Variants in ST18 observed in about 807,000 individuals in gnomAD.
The protein encoded by ST18 is suppression of tumorigenicity 18 protein.
A neutral mutation model predicts 110.0 loss-of-function variants in ST18; 50 were observed. That is an observed-to-expected ratio of 0.45 (90% CI 0.36 to 0.58). The LOEUF (loss-of-function observed/expected upper bound fraction) is 0.58. Among genes scored for constraint, ST18 ranks in the 20% least tolerant of loss-of-function variants. The pLI is 0.00. For synonymous variants in ST18, 461 were observed against 452.4 expected (o/e 1.02, Z -0.24); for missense variants, 1,306 against 1,280.1 (o/e 1.02, Z -0.31).
intron 2 of ST18, among the ~76,000 whole-genome samples, chr8:52,259,336 C>A (rs1195172376): frequency 1.3e-5 from 2 of 152,194 alleles, no homozygotes; most frequent in African/African-American, 4.8e-5. Context: ...CACCTAAATT[C>A]CATCTGTTGC....
chr8:52,402,482 A>G (rs13277159), intron 2 of ST18, among the ~76,000 whole-genome samples: 34,041 of 151,948 alleles, frequency 0.22, 4,086 homozygotes, highest in South Asian at 0.31. Context: ...CTAATCCTGG[A>G]GATCAGGGCA....
intron 2 of ST18, among the ~76,000 whole-genome samples, chr8:52,355,715 C>A (rs1487491825): frequency 6.6e-6 from 1 of 152,164 alleles, no homozygotes; most frequent in Admixed American, 6.5e-5. Context: ...ATTCTCCAAT[C>A]CTTAGGTCAG....
chr8:52,274,382 A>G (rs906825711), intron 2 of ST18, among the ~76,000 whole-genome samples: 15 of 152,176 alleles, frequency 9.9e-5, no homozygotes, highest in African/African-American at 3.4e-4. Context: ...GTTAAATACT[A>G]GAAATATATG....
chr8:52,288,642 C>T (rs866223773), intron 2 of ST18, among the ~76,000 whole-genome samples: 2 of 149,472 alleles, frequency 1.3e-5, no homozygotes, highest in Admixed American at 6.7e-5. Flanking sequence ...TGCAGTGAGC[C>T]GAGATCGCAC....
intron 2 of ST18, among the ~76,000 whole-genome samples, chr8:52,310,464 C>T (rs1400313156): frequency 1.3e-5 from 2 of 151,978 alleles, no homozygotes; most frequent in East Asian, 1.9e-4. Flanking sequence ...GACATAGTTT[C>T]GATTGTGTTT....
chr8:52,135,418 A>G (rs10107218), intron 19 of ST18, among the ~76,000 whole-genome samples: 47,364 of 151,462 alleles, frequency 0.31, 11,069 homozygotes, highest in African/African-American at 0.67. Flanking sequence ...AAAAGCACTC[A>G]GGCATGGTTG....
At chr8:52,222,800 G>A (rs913096310) in intron 3 of ST18, among the ~76,000 whole-genome samples, 8 of 152,090 alleles carry the variant, frequency 5.3e-5, no homozygotes, top group African/African-American at 1.9e-4. Flanking sequence ...TCTTAAATAT[G>A]TTATGAGGGC....
intron 2 of ST18, among the ~76,000 whole-genome samples, chr8:52,274,554 C>T (rs756145651): frequency 9.2e-5 from 14 of 152,094 alleles, no homozygotes; most frequent in African/African-American, 3.1e-4. Context: ...AAAAATCAGC[C>T]ATTTCCTAAA....
chr8:52,273,802 G>A (rs1283656737), intron 2 of ST18, among the ~76,000 whole-genome samples: 1 of 152,156 alleles, frequency 6.6e-6, no homozygotes, highest in Non-Finnish European at 1.5e-5. Flanking sequence ...CTTAATCAGT[G>A]TGTATATCAG....
At chr8:52,150,116 G>A (rs1030718739) in intron 15 of ST18, 139 bp from the exon 16 acceptor site, 48 of 1,194,724 alleles carry the variant, frequency 4.0e-5, no homozygotes, top group South Asian at 2.2e-4. Flanking sequence ...TCTGATTTGC[G>A]TTGGGTAATG....
chr8:52,168,629 C>T (rs1434511874), intron 10 of ST18, among the ~76,000 whole-genome samples: 1 of 152,116 alleles, frequency 6.6e-6, no homozygotes, highest in Non-Finnish European at 1.5e-5. Flanking sequence ...CTTAAATGAG[C>T]AACGAACGGC....
intron 2 of ST18, among the ~76,000 whole-genome samples, chr8:52,312,588 C>A (rs1485891324): frequency 6.6e-6 from 1 of 152,206 alleles, no homozygotes; most frequent in African/African-American, 2.4e-5. Context: ...GATATAGTAT[C>A]TTTGCTAGAG....
rs141291859 is a variant in ST18 at position 52,189,087 on chromosome 8, A to G, written c.87-8775T>C. 2.1e-3 allele frequency among the ~76,000 whole-genome samples: 316 copies of G among 152,236 alleles called. No homozygotes were observed. In the Middle Eastern group the frequency reaches 0.024, roughly 11 times the overall value. ...ATAAAATTAGTCCCCTTCTCCCTGC[A>G]TCACACTGGAGATGATGAATACATG... On this transcript the variant is annotated intron_variant, in intron 8 of 25. Transcript: ENST00000689386.
At chr8:52,176,521 G>A (rs1409803038) in intron 9 of ST18, among the ~76,000 whole-genome samples, 2 of 152,212 alleles carry the variant, frequency 1.3e-5, no homozygotes, top group Non-Finnish European at 1.5e-5. Flanking sequence ...CAGACTGTTC[G>A]CTGGTCCAGG....
intron 3 of ST18, among the ~76,000 whole-genome samples, chr8:52,222,796 A>C (rs2087428487): frequency 2.0e-5 from 3 of 152,202 alleles, no homozygotes; most frequent in South Asian, 4.1e-4. Context: ...TTGATCTTAA[A>C]TATGTTATGA....
intron 2 of ST18, among the ~76,000 whole-genome samples, chr8:52,322,732 C>T (rs1047708067): frequency 1.3e-5 from 2 of 152,104 alleles, no homozygotes; most frequent in Admixed American, 6.5e-5. Context: ...GTTTCAACAT[C>T]CAAAGAATAC....
Position 52,289,772 on chromosome 8 carries a change from G to A in ST18, c.-464-59695C>T, listed in dbSNP as rs183594491. ...AGGGGCTCATCAGCTTCTCTTTGACGTCCATCCCAGTGGTGGGAAGCAGGA... is the reference window on the plus strand; with the variant it reads ...AGGGGCTCATCAGCTTCTCTTTGACATCCATCCCAGTGGTGGGAAGCAGGA... On this transcript the variant is annotated intron_variant, in intron 2 of 25. Transcript: ENST00000689386. Among the ~76,000 whole-genome samples, 14 of 152,162 alleles carry A rather than the reference G, an allele frequency of 9.2e-5. No individual in the cohort carries two copies. The East Asian group carries it at 1.7e-3, about 19-fold the overall frequency.
At chr8:52,165,091 C>T (rs761762751) in intron 12 of ST18, 44 bp downstream of exon 12, 5 of 1,593,214 alleles carry the variant, frequency 3.1e-6, no homozygotes, top group Non-Finnish European at 4.3e-6. Flanking sequence ...ACGTTTCTAC[C>T]ACATTTTTTA....
At chr8:52,188,482 T>C (rs1030956939) in intron 8 of ST18, among the ~76,000 whole-genome samples, 4 of 152,062 alleles carry the variant, frequency 2.6e-5, no homozygotes, top group African/African-American at 7.2e-5. Flanking sequence ...TAATAGGAGA[T>C]GAGGTCAGAG....
Sources: allele counts gnomAD v4.1 joint callset (sites outside exome capture counted in the v4.1 genomes callset), GRCh38; gene constraint gnomAD v4.1.1; transcripts MANE v1.5; gene names NCBI Gene and HGNC (gene_info 2026-07-23, HGNC 2026-07-21).